Variants in ITSN1 observed in about 807,000 individuals in gnomAD.
ITSN1 encodes intersectin-1.
A neutral mutation model predicts 239.8 loss-of-function variants in ITSN1; 58 were observed. That is an observed-to-expected ratio of 0.24 (90% confidence interval 0.20 to 0.30). The LOEUF (loss-of-function observed/expected upper bound fraction) is 0.30, where lower values mean the gene tolerates loss of function less well. ITSN1 is among the 10% of genes least tolerant of loss of function. The pLI is 1.00. For synonymous variants in ITSN1, 780 were observed against 770.8 expected (o/e 1.01, Z -0.20); for missense variants, 1,558 against 2,103.3 (o/e 0.74, Z 5.07).
At chr21:33,673,163 A>G (rs1379911343) in intron 1 of ITSN1, among the ~76,000 whole-genome samples, 1 of 152,262 alleles carries the variant, frequency 6.6e-6, no homozygotes, top group Non-Finnish European at 1.5e-5. Context: ...TAGAAAAAGA[A>G]AAGAAAAATA....
At chr21:33,821,242 T>C (rs926616700) in intron 24 of ITSN1, among the ~76,000 whole-genome samples, 11 of 152,190 alleles carry the variant, frequency 7.2e-5, no homozygotes, top group African/African-American at 2.7e-4. Context: ...GTACTTAAAA[T>C]TGGGCAACAT....
At chr21:33,737,962 C>T (rs761376338) in intron 5 of ITSN1, among the ~76,000 whole-genome samples, 2 of 152,114 alleles carry the variant, frequency 1.3e-5, no homozygotes, top group Non-Finnish European at 2.9e-5. Flanking sequence ...GTGGGCAGAT[C>T]GCTTGCGCTC....
intron 12 of ITSN1, 23 bp downstream of exon 12, chr21:33,772,346 A>G: frequency 6.5e-7 from 1 of 1,549,482 alleles, no homozygotes; most frequent in Non-Finnish European, 8.7e-7. Context: ...GAGTGGAGCC[A>G]CCCGGAGTTA....
At position 33,860,537 on chromosome 21, in the gene ITSN1, C is replaced by G. The variant is rs562122501; in HGVS notation, c.3890+1745C>G. On this transcript the variant is annotated intron_variant, in intron 31 of 39. Coordinates refer to ENST00000381318, the MANE Select transcript of ITSN1 (RefSeq NM_003024.3). Reference sequence around the variant, plus strand: ...CTTTTAACCCCCATCTGGGAAGAAGCAGCCTCTTTCTTGAGCTGTGTGGGG... The same window carrying G: ...CTTTTAACCCCCATCTGGGAAGAAGGAGCCTCTTTCTTGAGCTGTGTGGGG... 2.6e-5 allele frequency among the ~76,000 whole-genome samples: 4 copies of G among 152,308 alleles called. No individual in the cohort carries two copies. In the East Asian group the frequency reaches 7.7e-4, roughly 29 times the overall value.
chr21:33,787,122 G>A (rs989672308), intron 16 of ITSN1, among the ~76,000 whole-genome samples: 11 of 152,250 alleles, frequency 7.2e-5, no homozygotes, highest in African/African-American at 1.4e-4. Flanking sequence ...GACGAGTTGC[G>A]TGTGTGTATG....
intron 4 of ITSN1, among the ~76,000 whole-genome samples, chr21:33,734,549 A>T (rs2066381475): frequency 6.6e-6 from 1 of 152,174 alleles, no homozygotes; most frequent in Non-Finnish European, 1.5e-5. Flanking sequence ...ATGTTCCCAC[A>T]TTGAGGTTTG....
intron 1 of ITSN1, among the ~76,000 whole-genome samples, chr21:33,706,868 G>A (rs952565829): frequency 1.3e-5 from 2 of 151,956 alleles, no homozygotes; most frequent in African/African-American, 2.4e-5. Context: ...GGTTACAGGC[G>A]TGCGCTATCA....
chr21:33,727,912 G>A (rs1256430486), intron 4 of ITSN1, among the ~76,000 whole-genome samples: 2 of 151,770 alleles, frequency 1.3e-5, no homozygotes, highest in African/African-American at 2.4e-5. Flanking sequence ...ATCTGGACTG[G>A]GTTCTCTCTT....
At chr21:33,885,306 G>A (rs767940185) in intron 37 of ITSN1, 133 bp from the exon 38 acceptor site, 6 of 1,018,886 alleles carry the variant, frequency 5.9e-6, no homozygotes, top group Non-Finnish European at 9.0e-6. Flanking sequence ...GAGCAAGGAA[G>A]CAAGTGTTTA....
intron 4 of ITSN1, among the ~76,000 whole-genome samples, chr21:33,732,522 A>T (rs2066252996): frequency 6.6e-6 from 1 of 152,224 alleles, no homozygotes; most frequent in Non-Finnish European, 1.5e-5. Context: ...TATTAGCTCT[A>T]GTAAATCTAC....
chr21:33,771,789 G>A (rs1381811604), intron 11 of ITSN1, among the ~76,000 whole-genome samples: 1 of 152,162 alleles, frequency 6.6e-6, no homozygotes, highest in African/African-American at 2.4e-5. Flanking sequence ...GGGAAAGGAT[G>A]GAGTAACAGG....
chr21:33,773,155 C>T (rs1245803447), intron 12 of ITSN1, among the ~76,000 whole-genome samples: 3 of 151,716 alleles, frequency 2.0e-5, no homozygotes, highest in Admixed American at 6.6e-5. Flanking sequence ...TACAGGTGCC[C>T]GCCACCACGC....
At chr21:33,786,730 G>T (rs1176646985) in intron 16 of ITSN1, among the ~76,000 whole-genome samples, 1 of 152,204 alleles carries the variant, frequency 6.6e-6, no homozygotes, top group Non-Finnish European at 1.5e-5. Context: ...TATGTTTCAT[G>T]TTGAAAAGTT....
Position 33,781,849 on chromosome 21 carries a change from G to A in ITSN1, c.1685-145G>A, listed in dbSNP as rs1602201769. On this transcript the variant is annotated intron_variant, in intron 15 of 39. Coordinates refer to ENST00000381318, the MANE Select transcript of ITSN1 (RefSeq NM_003024.3). ...CCACTTTGGTTCCCCAAAGTGCTGG[G>A]ATTACAGGTGTAGGCCACCGCACCC... 27 of 772,192 alleles carry A rather than the reference G, an allele frequency of 3.5e-5. No homozygotes were observed. The East Asian group carries it at 7.3e-4, about 21-fold the overall frequency. 47.8% of individuals were successfully genotyped at this position (772,192 alleles called of 1,614,324 possible).
intron 31 of ITSN1, among the ~76,000 whole-genome samples, chr21:33,861,609 A>G (rs1005434909): frequency 2.6e-5 from 4 of 152,120 alleles, no homozygotes; most frequent in Admixed American, 2.0e-4. Flanking sequence ...GAACCTTTTT[A>G]TATCCAGAGC....
chr21:33,702,118 T>TAAACA (rs1568975097), intron 1 of ITSN1, among the ~76,000 whole-genome samples: 27 of 149,874 alleles, frequency 1.8e-4, no homozygotes, highest in Admixed American at 2.7e-4. Context: ...TTTTTTTTTT[T>TAAACA]TTTTTTTTTT....
intron 8 of ITSN1, among the ~76,000 whole-genome samples, chr21:33,759,938 A>G (rs1569116189): frequency 6.6e-6 from 1 of 151,506 alleles, no homozygotes; most frequent in South Asian, 2.1e-4. Flanking sequence ...TGTCTCTACT[A>G]AAAAAAATAG....
chr21:33,865,990 C>T lies in ITSN1; in HGVS notation c.4074+656C>T, dbSNP rs1034056979. Among the ~76,000 whole-genome samples, 2 of 152,186 alleles carry T rather than the reference C, an allele frequency of 1.3e-5. No individual in the cohort carries two copies. The highest frequency in any genetic ancestry group is 2.9e-5 in the Non-Finnish European group (2 of 68,034). On this transcript the variant is annotated intron_variant, in intron 32 of 39. Coordinates refer to ENST00000381318, the MANE Select transcript of ITSN1 (RefSeq NM_003024.3). The surrounding 1 kb of genome is among the most constrained non-coding windows in gnomAD (Gnocchi z 4.4). ...TGCTGGGCCATTCAAACAGCCCCCA[C>T]ATCTCCTGGAGAAAAAAAGGAGGAA...
Position 33,846,009 on chromosome 21 carries a change from G to A in ITSN1, c.3661+9377G>A, listed in dbSNP as rs548003643. On this transcript the variant is annotated intron_variant, in intron 29 of 39. Transcript: ENST00000381318. ...GGAGCCTCCCCCAGCCTTAGAGACT[G>A]AATGACTCAACCCCCCTTGTCTACC... 5.9e-5 allele frequency among the ~76,000 whole-genome samples: 9 copies of A among 152,272 alleles called. No individual in the cohort carries two copies. The South Asian group carries it at 1.9e-3, about 32-fold the overall frequency.
Sources: allele counts gnomAD v4.1 joint callset (sites outside exome capture counted in the v4.1 genomes callset), GRCh38; gene constraint gnomAD v4.1.1; non-coding constraint Gnocchi (gnomAD v3.1); transcripts MANE v1.5; gene names NCBI Gene and HGNC (gene_info 2026-07-23, HGNC 2026-07-21).